The following NUDT3 variants were observed in gnomAD, a reference collection of about 807,000 sequenced individuals.
NUDT3 encodes the protein diphosphoinositol polyphosphate phosphohydrolase 1.
In NUDT3, 9 loss-of-function variants were observed where a neutral mutation model predicts 23.6. That is an observed-to-expected ratio of 0.38 (90% confidence interval 0.23 to 0.66). NUDT3 has a LOEUF of 0.66. Ranked by LOEUF, NUDT3 falls within the 30% of genes least tolerant of loss-of-function variation. NUDT3 has a pLI of 0.52. For synonymous variants in NUDT3, 86 were observed against 82.6 expected (o/e 1.04, Z -0.22); for missense variants, 172 against 218.5 (o/e 0.79, Z 1.34).
intron 4 of NUDT3, among the ~76,000 whole-genome samples, chr6:34,291,781 G>C (rs1394318497): frequency 2.0e-5 from 3 of 152,188 alleles, no homozygotes; most frequent in Non-Finnish European, 4.4e-5. Flanking sequence ...GGGATTACAG[G>C]CGTGAGCCAC....
rs116035532 is a variant in NUDT3 at position 34,304,702 on chromosome 6, C to T, written c.211-9017G>A. Among the ~76,000 whole-genome samples the T allele has an allele frequency of 8.3e-3, 1,255 of 151,588 alleles. 11 individuals carry two copies. The highest frequency in any genetic ancestry group is 0.024 in the African/African-American group (974 of 41,328). On this transcript the variant is annotated intron_variant, in intron 2 of 4. Coordinates refer to ENST00000607016, the MANE Select transcript of NUDT3 (RefSeq NM_006703.4). ...GGAGAAAGGCTCTTACTCTGTCTCC[C>T]AGTCTGGAGTGCAGTGGCGCAGATC...
intron 2 of NUDT3, among the ~76,000 whole-genome samples, chr6:34,341,330 G>T (rs887155183): frequency 4.0e-5 from 6 of 151,876 alleles, no homozygotes; most frequent in Admixed American, 2.0e-4. Flanking sequence ...AGGATATCAT[G>T]GCCCAGGAAC....
At chr6:34,384,689 CCA>C (rs1329063183) in intron 1 of NUDT3, among the ~76,000 whole-genome samples, 1 of 152,152 alleles carries the variant, frequency 6.6e-6, no homozygotes, top group Non-Finnish European at 1.5e-5. Flanking sequence ...TTACAGTCTT[CCA>C]CACAGTGTAT....
intron 2 of NUDT3, among the ~76,000 whole-genome samples, chr6:34,329,791 T>C (rs1764099472): frequency 1.3e-5 from 2 of 152,108 alleles, no homozygotes; most frequent in Admixed American, 6.6e-5. Flanking sequence ...CCTAATGCTA[T>C]CCCTCCCCCA....
chr6:34,326,229 G>C (rs3798556), intron 2 of NUDT3, among the ~76,000 whole-genome samples: 48,736 of 152,046 alleles, frequency 0.32, 9,377 homozygotes, highest in African/African-American at 0.5. Context: ...CTAATTTTAA[G>C]AATTTACATC....
intron 1 of NUDT3, among the ~76,000 whole-genome samples, chr6:34,345,664 A>G (rs941348045): frequency 4.1e-5 from 6 of 145,988 alleles, no homozygotes; most frequent in African/African-American, 1.5e-4. Context: ...CTCCGTCCCA[A>G]AAAAAAAAAA....
intron 2 of NUDT3, among the ~76,000 whole-genome samples, chr6:34,339,795 T>C (rs778932909): frequency 2.0e-5 from 3 of 152,224 alleles, no homozygotes; most frequent in Non-Finnish European, 4.4e-5. Context: ...TATCTATCCA[T>C]TCTTTTTTAG....
chr6:34,353,909 C>A (rs999481698), intron 1 of NUDT3, among the ~76,000 whole-genome samples: 15 of 151,582 alleles, frequency 9.9e-5, no homozygotes, highest in Non-Finnish European at 1.9e-4. Flanking sequence ...GTTGCCCAGG[C>A]TAGTCTTTTT....
chr6:34,301,251 T>C (rs1192359431), intron 2 of NUDT3, among the ~76,000 whole-genome samples: 1 of 148,612 alleles, frequency 6.7e-6, no homozygotes, highest in Non-Finnish European at 1.5e-5. Context: ...GATAAGTACC[T>C]CCAGATATTT....
chr6:34,382,681 A>G lies in NUDT3; in HGVS notation c.99+9583T>C, dbSNP rs576455975. ...AAGACCCTGTCTCTACTAAAAATAA[A>G]TTAGCCAGGCATGGTGGTGCATGCC... is the stretch of plus-strand genomic sequence containing the variant. On this transcript the variant is annotated intron_variant, in intron 1 of 4. Transcript: ENST00000607016. 1.1e-4 allele frequency among the ~76,000 whole-genome samples: 17 copies of G among 152,024 alleles called. No homozygotes were observed. The South Asian group carries it at 3.5e-3, about 32-fold the overall frequency.
At chr6:34,289,502 G>A (rs1463913737) in intron 4 of NUDT3, among the ~76,000 whole-genome samples, 1 of 152,164 alleles carries the variant, frequency 6.6e-6, no homozygotes, top group Non-Finnish European at 1.5e-5. Context: ...GGAAGGTCGC[G>A]GCTGCAGTGA....
chr6:34,350,089 A>AAAAAAAAAG (rs781533318), intron 1 of NUDT3, among the ~76,000 whole-genome samples: 1 of 148,648 alleles, frequency 6.7e-6, no homozygotes, highest in Admixed American at 6.7e-5. Context: ...ACTCCGTCTC[A>AAAAAAAAAG]AAAAAAAAGA....
At chr6:34,323,566 CA>C (rs1020671858) in intron 2 of NUDT3, among the ~76,000 whole-genome samples, 2 of 144,170 alleles carry the variant, frequency 1.4e-5, no homozygotes, top group African/African-American at 2.6e-5. Context: ...GATCCTGTCT[CA>C]AAAAAAAAGA....
At chr6:34,348,392 C>T (rs996933665) in intron 1 of NUDT3, among the ~76,000 whole-genome samples, 5 of 151,402 alleles carry the variant, frequency 3.3e-5, no homozygotes, top group African/African-American at 9.7e-5. Context: ...TGAGTTGGGA[C>T]GATTGCTTGA....
intron 2 of NUDT3, among the ~76,000 whole-genome samples, chr6:34,325,617 G>C (rs1368120818): frequency 6.6e-6 from 1 of 152,204 alleles, no homozygotes; most frequent in Non-Finnish European, 1.5e-5. Flanking sequence ...AAAAATATAT[G>C]TTCATGTTAG....
intron 1 of NUDT3, among the ~76,000 whole-genome samples, chr6:34,354,170 G>A (rs146082845): frequency 0.095 from 14,451 of 151,590 alleles, 797 homozygotes; most frequent in Non-Finnish European, 0.12. Context: ...CGCCCGCCTC[G>A]GCTTCCCAAA....
chr6:34,371,026 G>A (rs566267875), intron 1 of NUDT3, among the ~76,000 whole-genome samples: 1 of 151,848 alleles, frequency 6.6e-6, no homozygotes, highest in South Asian at 2.1e-4. Flanking sequence ...CAGGAGAATC[G>A]CTTGAACCCG....
At chr6:34,336,881 C>T (rs1011466897) in intron 2 of NUDT3, among the ~76,000 whole-genome samples, 4 of 152,190 alleles carry the variant, frequency 2.6e-5, no homozygotes, top group Non-Finnish European at 4.4e-5. Flanking sequence ...AAATCTCCTA[C>T]ATTTACAAAT....
intron 2 of NUDT3, among the ~76,000 whole-genome samples, chr6:34,296,400 C>T (rs1185009821): frequency 2.0e-5 from 3 of 151,988 alleles, no homozygotes; most frequent in Non-Finnish European, 4.4e-5. Context: ...ATGGTGAAAC[C>T]CTGTCTCTAC....
Sources: allele counts gnomAD v4.1 joint callset (sites outside exome capture counted in the v4.1 genomes callset), GRCh38; gene constraint gnomAD v4.1.1; transcripts MANE v1.5; gene names NCBI Gene and HGNC (gene_info 2026-07-23, HGNC 2026-07-21).